The following NYAP2 variants were observed in gnomAD, a reference collection of about 807,000 sequenced individuals.
The protein encoded by NYAP2 is neuronal tyrosine-phosphorylated phosphoinositide-3-kinase adapter 2.
In NYAP2, 23 loss-of-function variants were observed where a neutral mutation model predicts 50.4. The observed-to-expected ratio is 0.46, with a 90% CI of 0.33 to 0.65. The LOEUF (loss-of-function observed/expected upper bound fraction) is 0.65. NYAP2 is among the 30% of genes least tolerant of loss of function. The pLI is 0.02. For missense variants in NYAP2, 885 were observed against 861.0 expected, an observed-to-expected ratio of 1.03 and a Z score of -0.35; for synonymous variants, 394 against 365.2, an observed-to-expected ratio of 1.08 and a Z score of -0.90.
At chr2:225,686,606 G>A in the NYAP2 span, among the ~76,000 whole-genome samples, 1 of 152,128 alleles carries the variant, frequency 6.6e-6, no homozygotes, top group African/African-American at 2.4e-5. Flanking sequence ...CTGCAGTGTG[G>A]CTGATGAAAT....
chr2:225,612,747 C>T (rs968585620), intron 5 of NYAP2, among the ~76,000 whole-genome samples: 2 of 54,014 alleles, frequency 3.7e-5, no homozygotes, highest in African/African-American at 9.4e-5. Context: ...GGAGGCCCCC[C>T]CCTTACAATC....
intron 4 of NYAP2, among the ~76,000 whole-genome samples, chr2:225,580,390 T>A (rs1350038128): frequency 6.6e-6 from 1 of 152,184 alleles, no homozygotes; most frequent in Non-Finnish European, 1.5e-5. Context: ...GACTGCATAG[T>A]TTTCACCCCA....
At chr2:225,498,944 G>A (rs376326823) in intron 3 of NYAP2, among the ~76,000 whole-genome samples, 35 of 152,308 alleles carry the variant, frequency 2.3e-4, no homozygotes, top group African/African-American at 8.2e-4. Flanking sequence ...GTATTTTGTT[G>A]AGAGGGCGAA....
intron 3 of NYAP2, among the ~76,000 whole-genome samples, chr2:225,499,981 G>T (rs980242049): frequency 2.6e-5 from 4 of 152,124 alleles, no homozygotes; most frequent in Admixed American, 2.0e-4. Context: ...GATTGCTGAT[G>T]AGAATAATCA....
At chr2:225,661,065 A>G in the NYAP2 span, among the ~76,000 whole-genome samples, 1 of 152,226 alleles carries the variant, frequency 6.6e-6, no homozygotes, top group African/African-American at 2.4e-5. Context: ...AAGAACAGAA[A>G]AAAGCATGAC....
chr2:225,437,867 A>G (rs1010573574), intron 3 of NYAP2, among the ~76,000 whole-genome samples: 8 of 152,252 alleles, frequency 5.3e-5, no homozygotes, highest in South Asian at 2.1e-4. Flanking sequence ...TATCATCTCA[A>G]TTCTCTTTCT....
At chr2:225,482,773 C>A (rs1415165729) in intron 3 of NYAP2, among the ~76,000 whole-genome samples, 9 of 152,168 alleles carry the variant, frequency 5.9e-5, no homozygotes, top group African/African-American at 2.2e-4. Context: ...CCCTAGGCAG[C>A]TCTTTTCCCC....
At chr2:225,612,759 C>T (rs1229308493) in intron 5 of NYAP2, among the ~76,000 whole-genome samples, 2 of 149,930 alleles carry the variant, frequency 1.3e-5, no homozygotes. Flanking sequence ...CTTACAATCT[C>T]ATCTAAACCT....
At chr2:225,617,386 A>T (rs1693007519) in intron 5 of NYAP2, among the ~76,000 whole-genome samples, 1 of 152,082 alleles carries the variant, frequency 6.6e-6, no homozygotes, top group Non-Finnish European at 1.5e-5. Flanking sequence ...CCGAGATTGC[A>T]CCATTGCACT....
At chr2:225,499,397 C>G (rs1250156300) in intron 3 of NYAP2, among the ~76,000 whole-genome samples, 1 of 151,938 alleles carries the variant, frequency 6.6e-6, no homozygotes, top group South Asian at 2.1e-4. Flanking sequence ...ACTGCAAGCT[C>G]TGCCTCCGGG....
intron 3 of NYAP2, among the ~76,000 whole-genome samples, chr2:225,504,107 C>T (rs982595581): frequency 6.6e-6 from 1 of 152,052 alleles, no homozygotes; most frequent in Admixed American, 6.5e-5. Context: ...AACATTTGTC[C>T]AGCCTCCTGT....
At chr2:225,500,440 T>TGA (rs1421027929) in intron 3 of NYAP2, among the ~76,000 whole-genome samples, 1 of 152,248 alleles carries the variant, frequency 6.6e-6, no homozygotes, top group East Asian at 1.9e-4. Context: ...TGGATCTGTC[T>TGA]GAGGTGTGTT....
the NYAP2 span, among the ~76,000 whole-genome samples, chr2:225,664,732 C>T: frequency 1.1e-4 from 16 of 152,072 alleles, no homozygotes; most frequent in African/African-American, 2.4e-4. Flanking sequence ...AAAAATTAGC[C>T]GGGCGTGGTG....
the NYAP2 span, among the ~76,000 whole-genome samples, chr2:225,678,171 C>G: frequency 2.0e-5 from 3 of 151,730 alleles, no homozygotes; most frequent in African/African-American, 4.9e-5. Context: ...AGGAATTTAT[C>G]AATTTTGTCT....
At chr2:225,670,796 C>T in the NYAP2 span, among the ~76,000 whole-genome samples, 1 of 151,942 alleles carries the variant, frequency 6.6e-6, no homozygotes, top group Non-Finnish European at 1.5e-5. Flanking sequence ...CAATTCCAGA[C>T]CATGGCAATA....
At chr2:225,657,549 T>A (rs1180493797), downstream of NYAP2, among the ~76,000 whole-genome samples, 1 of 139,990 alleles carries the variant, frequency 7.1e-6, no homozygotes, top group Non-Finnish European at 1.5e-5. Flanking sequence ...AAGGGCAATA[T>A]GGGAAATCTC....
chr2:225,464,528 T>G (rs1689884787), intron 3 of NYAP2, among the ~76,000 whole-genome samples: 1 of 152,108 alleles, frequency 6.6e-6, no homozygotes, highest in African/African-American at 2.4e-5. Context: ...TAGGGAGGGA[T>G]GGTGACTTCA....
the NYAP2 span, chr2:225,701,078 C>T: frequency 3.3e-5 from 5 of 151,790 alleles, no homozygotes; most frequent in South Asian, 2.1e-4. Flanking sequence ...AAAGTGGCTT[C>T]ACTGAGATTT....
In NYAP2 at chr2:225,573,250, CTTT is replaced by C. The variant is rs59186607; in HGVS notation, c.524-8675_524-8673del. Among the ~76,000 whole-genome samples, 859 of 126,708 alleles carry C rather than the reference CTTT, an allele frequency of 6.8e-3. 6 individuals carry two copies. The highest frequency in any genetic ancestry group is 0.023 in the African/African-American group (790 of 33,714). 83.1% of individuals were successfully genotyped at this position (126,708 alleles called of 152,430 possible). A position where few individuals can be genotyped will look rare whatever the true frequency, so the allele number is the denominator to read the frequency against. ...TAGAACAACAACAACATTATTATTT[CTTT>C]TTTTTTTTTTTTTTTGAGACAAAAT... On this transcript the variant is annotated intron_variant, in intron 4 of 6. Coordinates refer to ENST00000636099, the Ensembl canonical transcript of NYAP2.
Sources: allele counts gnomAD v4.1 joint callset (sites outside exome capture counted in the v4.1 genomes callset), GRCh38; gene constraint gnomAD v4.1.1; transcripts MANE v1.5; gene names NCBI Gene and HGNC (gene_info 2026-07-23, HGNC 2026-07-21).